Variants in ADCK2 observed in about 807,000 individuals in gnomAD.
ADCK2 encodes the protein aarF domain containing kinase 2.
A neutral mutation model predicts 52.3 loss-of-function variants in ADCK2; 37 were observed. The ratio of observed to expected loss-of-function variants is 0.71; its 90% CI spans 0.54 to 0.93. The LOEUF (loss-of-function observed/expected upper bound fraction) is 0.93. Among genes scored for constraint, ADCK2 ranks in the 40% least tolerant of loss-of-function variants. The pLI is 0.00. For missense variants in ADCK2, 695 were observed against 798.7 expected (o/e 0.87, Z 1.56); for synonymous variants, 321 against 349.2 (o/e 0.92, Z 0.90).
rs1293098243 is a variant in ADCK2, at chr7:140,693,241, G to C, written c.1741-1422G>C. Among the ~76,000 whole-genome samples, 1 of 152,140 alleles carries C rather than the reference G, an allele frequency of 6.6e-6. No homozygotes were observed. Among genetic ancestry groups the C allele is most frequent in the African/African-American group, 2.4e-5 (1 of 41,430 alleles). ...ACTAAGAACCCCCCACCCAGCTTCA[G>C]AATGAAAGCATTCCCAGAGGTGTTA... On this transcript the variant is annotated intron_variant, in intron 7 of 7. Transcript: ENST00000072869. This position sits in a 1 kb window ranked among gnomAD's most constrained non-coding sequence, Gnocchi z 4.0.
At chr7:140,688,863 C>T (rs1158437713) in intron 5 of ADCK2, among the ~76,000 whole-genome samples, 1 of 152,208 alleles carries the variant, frequency 6.6e-6, no homozygotes, top group Non-Finnish European at 1.5e-5. Flanking sequence ...ATTGAAAGCA[C>T]TACGTCGTGG....
intron 2 of ADCK2, among the ~76,000 whole-genome samples, chr7:140,677,043 A>C (rs1794431297): frequency 6.6e-6 from 1 of 152,004 alleles, no homozygotes; most frequent in African/African-American, 2.4e-5. Context: ...ACAAACAAAC[A>C]AACAAACAAA....
chr7:140,688,753 A>G (rs1473576340), intron 5 of ADCK2, among the ~76,000 whole-genome samples: 2 of 152,196 alleles, frequency 1.3e-5, no homozygotes, highest in South Asian at 2.1e-4. Context: ...ATGTGGGGAC[A>G]TGAGTAGTTT....
Position 140,673,255 on chromosome 7 carries a change from G to C in ADCK2, c.-76G>C. ...GTCCGCGGGGTCAGGGCCGGGCTTC[G>C]GCTTCACCGCAGCCTCGCCTGAGCG... On this transcript the variant is annotated 5_prime_UTR_variant, in exon 1 of 8. Transcript: ENST00000072869. The surrounding 1 kb of genome is among the most constrained non-coding windows in gnomAD (Gnocchi z 6.4). 2 of 1,296,756 alleles carry C rather than the reference G, an allele frequency of 1.5e-6. No homozygotes were observed. The highest frequency in any genetic ancestry group is 2.0e-6 in the Non-Finnish European group (2 of 997,006). The allele number at this position is 1,296,756 out of a possible 1,614,324, so 80.3% of individuals were successfully genotyped here.
At position 140,694,851 on chromosome 7, in the gene ADCK2, C is replaced by T. The variant is rs774393006; in HGVS notation, c.*48C>T. ...CCTTGTCAAGAGCTGGAGGCCACTC[C>T]CAAGAGCCTCTCCTATGGCAGCTGG... On this transcript the variant is annotated 3_prime_UTR_variant, in exon 8 of 8. Transcript: ENST00000072869. 1.8e-4 allele frequency: 283 copies of T among 1,562,016 alleles called. No homozygotes were observed. Among genetic ancestry groups the T allele is most frequent in the Middle Eastern group, 1.6e-3 (9 of 5,742 alleles).
In ADCK2 at chr7:140,673,206, G is replaced by T. The variant is rs1247441870; in HGVS notation, c.-125G>T. Reference sequence around the variant, plus strand: ...GAGGTGCTGGAGGGAGCGGGGCGCGGATCCGGCCCAGATGGGCAGCTCCGT... The same window carrying T: ...GAGGTGCTGGAGGGAGCGGGGCGCGTATCCGGCCCAGATGGGCAGCTCCGT... On this transcript the variant is annotated 5_prime_UTR_variant, in exon 1 of 8. Transcript: ENST00000072869. This position sits in a 1 kb window ranked among gnomAD's most constrained non-coding sequence, Gnocchi z 6.4. The T allele has an allele frequency of 1.3e-4, 102 of 766,122 alleles. 1 individual carries two copies. In the African/African-American group the frequency reaches 1.6e-3, roughly 12 times the overall value. The allele number at this position is 766,122 out of a possible 1,614,324, so 47.5% of individuals were successfully genotyped here.
chr7:140,691,821 A>C (rs1022049834), intron 7 of ADCK2, among the ~76,000 whole-genome samples: 4 of 115,530 alleles, frequency 3.5e-5, no homozygotes, highest in Middle Eastern at 4.1e-3. Flanking sequence ...GAGGCCGAGC[A>C]GCTCACCTGT....
At chr7:140,682,651 G>T (rs1254378616) in intron 4 of ADCK2, among the ~76,000 whole-genome samples, 1 of 151,978 alleles carries the variant, frequency 6.6e-6, no homozygotes, top group Non-Finnish European at 1.5e-5. Context: ...CTTAAATGAT[G>T]CTTAGTGAAT....
Position 140,695,035 on chromosome 7 carries a change from G to C in ADCK2, c.*232G>C. ...GCCTATCCATTCCATTGTGGAAGCT[G>C]GGCCAGGTGCCAGGGACACTCTCCT... On this transcript the variant is annotated 3_prime_UTR_variant, in exon 8 of 8. Transcript: ENST00000072869. The C allele has an allele frequency of 8.0e-7, 1 of 1,254,018 alleles. No individual in the cohort carries two copies. Among genetic ancestry groups the C allele is most frequent in the Non-Finnish European group, 1.0e-6 (1 of 1,000,570 alleles). 77.7% of individuals were successfully genotyped at this position (1,254,018 alleles called of 1,614,324 possible).
Position 140,679,174 on chromosome 7 carries a change from C to T in ADCK2, c.1100C>T (p.Ala367Val), listed in dbSNP as rs1383018682. The change falls in exon 3 of 8, where the codon GCT (alanine) becomes GTT (valine). Residue 367 changes from alanine to valine, a missense_variant. Physicochemically the swap from Ala to Val is moderately conservative, Grantham distance 64 (BLOSUM62 0). Transcript: ENST00000072869. The part of the protein sequence containing the change: ...MVQQIDLRYE[A>V]QNLEHFQVNF... ...CTGTAGATTGACCTGCGTTACGAAG[C>T]TCAGAATCTAGAACACTTCCAGGTC... 11 of 1,614,094 alleles carry T rather than the reference C, an allele frequency of 6.8e-6. No homozygotes were observed. The East Asian group carries it at 1.1e-4, about 16-fold the overall frequency.
chr7:140,681,116 G>A lies in ADCK2; in HGVS notation c.1284G>A (p.Gly428=), dbSNP rs369632581. Residue 428 remains glycine (G), a synonymous_variant, in exon 4 of 8, where the codon GGG becomes GGA. Coordinates refer to ENST00000072869, the MANE Select transcript of ADCK2 (RefSeq NM_052853.4). Reference sequence around the variant, plus strand: ...TGAAAAGGAAGATTGCACGGCTGGGGATCAACATGCTCCTGAAGATGGTGA... The same window carrying A: ...TGAAAAGGAAGATTGCACGGCTGGGAATCAACATGCTCCTGAAGATGGTGA... ...VDLKRKIARL[G]INMLLKMIFV... is the part of the protein sequence containing the mutation. 6.3e-5 allele frequency: 101 copies of A among 1,614,018 alleles called. No individual in the cohort carries two copies. The highest frequency in any genetic ancestry group is 7.9e-5 in the Non-Finnish European group (93 of 1,180,024).
At chr7:140,682,955 C>T (rs141845253) in intron 4 of ADCK2, among the ~76,000 whole-genome samples, 124 of 137,210 alleles carry the variant, frequency 9.0e-4, no homozygotes, top group African/African-American at 2.9e-3. Context: ...GAGCTAAAAT[C>T]ATGCCACTGC....
intron 7 of ADCK2, among the ~76,000 whole-genome samples, chr7:140,692,533 T>C (rs1445119973): frequency 6.6e-6 from 1 of 152,218 alleles, no homozygotes; most frequent in African/African-American, 2.4e-5. Flanking sequence ...AATTTTTGTA[T>C]TTTTAGTAAG....
Position 140,687,193 on chromosome 7 carries a change from T to C in ADCK2, c.1509T>C (p.Pro503=), listed in dbSNP as rs1376116503. The C allele has an allele frequency of 1.9e-6, 3 of 1,589,186 alleles. No individual in the cohort carries two copies. Among genetic ancestry groups the C allele is most frequent in the South Asian group, 2.3e-5 (2 of 88,700 alleles). Residue 503 remains proline, a synonymous_variant, in exon 5 of 8, where the codon CCT becomes CCC. Coordinates refer to ENST00000072869, the MANE Select transcript of ADCK2 (RefSeq NM_052853.4). ...DAGIVAELQA[P]DLRNFRAVFM... ...GCATTGTGGCGGAGCTGCAGGCCCC[T>C]GACCTGAGGAATTTCCGGGCAGTTT... is the stretch of plus-strand genomic sequence containing the variant.
chr7:140,674,620 C>A lies in ADCK2; in HGVS notation c.943C>A (p.Pro315Thr), dbSNP rs1025654669. 2 of 1,613,424 alleles carry A rather than the reference C, an allele frequency of 1.2e-6. No individual in the cohort carries two copies. Among genetic ancestry groups the A allele is most frequent in the Non-Finnish European group, 1.7e-6 (2 of 1,179,768 alleles). Residue 315 changes from proline to threonine, a missense_variant, in exon 2 of 8, where the codon CCT becomes ACT. Transcript: ENST00000072869. This position sits in a 1 kb window ranked among gnomAD's most constrained non-coding sequence, Gnocchi z 4.6. ...TTCCTCTTTCTGACAGGTGTTGCAC[C>A]CTGGCCTGCTCGCTCAGGTGCATAT... ...LISVAVKVLH[P>T]GLLAQVHMDL...
In ADCK2 at chr7:140,685,923, A is replaced by G. The variant is rs1794598002; in HGVS notation, c.1306-1067A>G. On this transcript the variant is annotated intron_variant, in intron 4 of 7. Coordinates refer to ENST00000072869, the MANE Select transcript of ADCK2 (RefSeq NM_052853.4). ...ACACAATCCCTGGGGGTTGCTGCCC[A>G]GCTTAGCAGGTTCAAAGCCGTGTCC... Among the ~76,000 whole-genome samples, 3 of 151,954 alleles carry G rather than the reference A, an allele frequency of 2.0e-5. No individual in the cohort carries two copies. In the South Asian group the frequency reaches 6.2e-4, roughly 32 times the overall value.
chr7:140,686,483 G>A (rs186206979), intron 4 of ADCK2, among the ~76,000 whole-genome samples: 3 of 152,260 alleles, frequency 2.0e-5, no homozygotes, highest in Non-Finnish European at 4.4e-5. Context: ...GTTTCACCTT[G>A]TTGGCCAGGC....
intron 2 of ADCK2, among the ~76,000 whole-genome samples, chr7:140,675,274 G>A (rs974774694): frequency 1.5e-4 from 23 of 152,276 alleles, no homozygotes; most frequent in African/African-American, 5.3e-4. Flanking sequence ...AAAGTTCTAT[G>A]CAGGTGAACT....
At chr7:140,694,190 A>G (rs1794756505) in intron 7 of ADCK2, among the ~76,000 whole-genome samples, 1 of 152,154 alleles carries the variant, frequency 6.6e-6, no homozygotes, top group African/African-American at 2.4e-5. Flanking sequence ...AGGCTGAGGC[A>G]GAAGGATCCC....
Sources: allele counts gnomAD v4.1 joint callset (sites outside exome capture counted in the v4.1 genomes callset), GRCh38; gene constraint gnomAD v4.1.1; non-coding constraint Gnocchi (gnomAD v3.1); transcripts MANE v1.5; gene names NCBI Gene and HGNC (gene_info 2026-07-23, HGNC 2026-07-21).